The following GAS2 variants were observed in gnomAD, a reference collection of about 807,000 sequenced individuals.
GAS2 encodes the protein growth arrest specific 2.
In GAS2, 20 loss-of-function variants were observed where a neutral mutation model predicts 37.5. The ratio of observed to expected loss-of-function variants is 0.53; its 90% CI spans 0.37 to 0.77. The LOEUF (loss-of-function observed/expected upper bound fraction) is 0.77. Among genes scored for constraint, GAS2 ranks in the 30% least tolerant of loss-of-function variants. GAS2 has a pLI of 0.00. For missense variants in GAS2, 336 were observed against 373.4 expected (o/e 0.90, Z 0.82); for synonymous variants, 144 against 132.2 (o/e 1.09, Z -0.61).
chr11:22,650,957 CATT>C (rs1250983846), intron 1 of GAS2, among the ~76,000 whole-genome samples: 1 of 151,956 alleles, frequency 6.6e-6, no homozygotes, highest in Admixed American at 6.6e-5. Context: ...TTGATCCTGT[CATT>C]ATGATGTTAG....
At chr11:22,641,312 A>ATATC (rs1554964906) in intron 1 of GAS2, among the ~76,000 whole-genome samples, 3 of 64,436 alleles carry the variant, frequency 4.7e-5, no homozygotes, top group East Asian at 9.8e-4. Flanking sequence ...CTTTATATAT[A>ATATC]TTTATATATC....
At chr11:22,690,964 T>A (rs73474193) in intron 3 of GAS2, among the ~76,000 whole-genome samples, 1,621 of 152,106 alleles carry the variant, frequency 0.011, 26 homozygotes, top group African/African-American at 0.036. Flanking sequence ...ATTCAAAAGG[T>A]TTAACCTCTC....
chr11:22,795,969 GT>G (rs1479325955), intron 7 of GAS2, among the ~76,000 whole-genome samples: 1 of 152,132 alleles, frequency 6.6e-6, no homozygotes, highest in Non-Finnish European at 1.5e-5. Flanking sequence ...ATATTTTACT[GT>G]GAAAATTTTC....
chr11:22,734,316 G>T (rs1328548546), intron 4 of GAS2, among the ~76,000 whole-genome samples: 2 of 151,566 alleles, frequency 1.3e-5, no homozygotes, highest in African/African-American at 4.8e-5. Flanking sequence ...ATTGCTGAAG[G>T]ATATCTACTT....
intron 3 of GAS2, among the ~76,000 whole-genome samples, chr11:22,705,754 A>G (rs1051645747): frequency 2.6e-5 from 4 of 152,242 alleles, no homozygotes; most frequent in Non-Finnish European, 4.4e-5. Context: ...TGGATTAGCA[A>G]GGGATAATAA....
rs1210522486 is a variant in GAS2, at chr11:22,756,028, A to G, written c.723+75A>G. 2.9e-6 allele frequency: 3 copies of G among 1,023,900 alleles called. No homozygotes were observed. The East Asian group carries it at 7.5e-5, about 26-fold the overall frequency. The allele number at this position is 1,023,900 out of a possible 1,614,324, so 63.4% of individuals were successfully genotyped here. On this transcript the variant is annotated intron_variant, in intron 7 of 7. Coordinates refer to ENST00000454584, the MANE Select transcript of GAS2 (RefSeq NM_001143830.3). Reference sequence around the variant, plus strand: ...TTGAGTTAGGGGAAATATGACAGATAAGAGCAGGAACTTCCATATGGTGCT... The same window carrying G: ...TTGAGTTAGGGGAAATATGACAGATGAGAGCAGGAACTTCCATATGGTGCT...
chr11:22,666,101 A>G (rs1227072236), upstream of GAS2, among the ~76,000 whole-genome samples: 2 of 152,276 alleles, frequency 1.3e-5, no homozygotes, highest in African/African-American at 4.8e-5. Flanking sequence ...AAGACGTTTC[A>G]TCTCAGAATA....
chr11:22,655,408 G>A (rs886610977), intron 1 of GAS2, among the ~76,000 whole-genome samples: 1 of 151,958 alleles, frequency 6.6e-6, no homozygotes, highest in Non-Finnish European at 1.5e-5. Flanking sequence ...GCCCATTTTA[G>A]GTACTCAATA....
intron 3 of GAS2, among the ~76,000 whole-genome samples, chr11:22,697,289 T>G (rs1488747982): frequency 6.6e-6 from 1 of 152,114 alleles, no homozygotes; most frequent in African/African-American, 2.4e-5. Context: ...CTCTGTTCTG[T>G]TCCATTGGTC....
chr11:22,789,423 G>GATATATATAAATATATATATATATATAT (rs1491294585), intron 7 of GAS2, among the ~76,000 whole-genome samples: 13 of 71,158 alleles, frequency 1.8e-4, no homozygotes, highest in African/African-American at 5.2e-4. Flanking sequence ...TATCTCATAT[G>GATATATATAAATATATATATATATATAT]AGATATATAT....
Position 22,737,744 on chromosome 11 carries a change from T to C in GAS2, c.449T>C (p.Leu150Pro). 1.2e-6 allele frequency: 2 copies of C among 1,614,146 alleles called. No individual in the cohort carries two copies. The highest frequency in any genetic ancestry group is 8.5e-7 in the Non-Finnish European group (1 of 1,179,986). Residue 150 changes from leucine to proline, a missense_variant, in exon 5 of 8, where the codon CTA (leucine) becomes CCA (proline). Transcript: ENST00000454584. Reference protein sequence around the residue: ...KQPREVCLCLLELGRIAARYG... With the variant: ...KQPREVCLCLPELGRIAARYG... ...CCCAGAGAAGTGTGTCTCTGTCTGC[T>C]AGAGCTTGGCCGGATTGCAGCCAGG...
At chr11:22,776,515 A>G (rs1158820765) in intron 7 of GAS2, among the ~76,000 whole-genome samples, 1 of 152,226 alleles carries the variant, frequency 6.6e-6, no homozygotes, top group East Asian at 1.9e-4. Flanking sequence ...TGATTGGGCA[A>G]GAGTTTTTTG....
chr11:22,664,432 G>T (rs1362108413), upstream of GAS2, among the ~76,000 whole-genome samples: 2 of 152,102 alleles, frequency 1.3e-5, no homozygotes, highest in Non-Finnish European at 2.9e-5. Context: ...TAGAATGTGG[G>T]ACACACATAG....
Position 22,812,532 on chromosome 11 carries a change from T to TA in GAS2, c.*516_*517insA, listed in dbSNP as rs1281872053. ...GTACAGAGTATTCACAATAGTAATA[T>TA]GTTACTGGAAAGGCCACTTCCGAAA... On this transcript the variant is annotated 3_prime_UTR_variant, in exon 8 of 8. Coordinates refer to ENST00000454584, the MANE Select transcript of GAS2 (RefSeq NM_001143830.3). The TA allele has an allele frequency of 2.6e-5, 4 of 151,756 alleles. No homozygotes were observed. Among genetic ancestry groups the TA allele is most frequent in the African/African-American group, 9.7e-5 (4 of 41,068 alleles). The allele number at this position is 151,756 out of a possible 1,614,324, so 9.4% of individuals were successfully genotyped here. A position where few individuals can be genotyped will look rare whatever the true frequency, so the allele number is the denominator to read the frequency against.
intron 1 of GAS2, among the ~76,000 whole-genome samples, chr11:22,652,624 T>G (rs1590574057): frequency 6.6e-6 from 1 of 152,228 alleles, no homozygotes; most frequent in East Asian, 1.9e-4. Context: ...AATCTCCCGG[T>G]GTGCTGTGTT....
At chr11:22,802,870 C>T (rs1169012615) in intron 7 of GAS2, among the ~76,000 whole-genome samples, 6 of 152,022 alleles carry the variant, frequency 3.9e-5, no homozygotes, top group African/African-American at 1.4e-4. Flanking sequence ...TCTTCAGATA[C>T]ACAAATACTT....
rs1856014255 is a variant in GAS2, at chr11:22,789,433, T to TATATATATATATAA, written c.724-22352_724-22351insAATATATATATATA. Among the ~76,000 whole-genome samples, 47 of 39,828 alleles carry TATATATATATATAA rather than the reference T, an allele frequency of 1.2e-3. 6 individuals carry two copies. Among genetic ancestry groups the TATATATATATATAA allele is most frequent in the Non-Finnish European group, 1.5e-3 (27 of 17,910 alleles). The allele number at this position is 39,828 out of a possible 152,430, so 26.1% of individuals were successfully genotyped here. On this transcript the variant is annotated intron_variant, in intron 7 of 7. Transcript: ENST00000454584. ...GTGTGTATCTCATATGAGATATATA[T>TATATATATATATAA]ATATATATATATATATATATATTCT...
At chr11:22,775,790 T>C (rs905332329) in intron 7 of GAS2, among the ~76,000 whole-genome samples, 1 of 152,206 alleles carries the variant, frequency 6.6e-6, no homozygotes, top group Non-Finnish European at 1.5e-5. Context: ...TAAGCTCTTA[T>C]TCTCCAGATG....
chr11:22,651,081 A>T (rs1232742048), intron 1 of GAS2, among the ~76,000 whole-genome samples: 1 of 151,914 alleles, frequency 6.6e-6, no homozygotes, highest in African/African-American at 2.4e-5. Context: ...CATGTTTAGC[A>T]CTTCCTTCAG....
Sources: gnomAD v4.1 joint callset for allele counts (sites outside exome capture counted in the v4.1 genomes callset) on GRCh38, gnomAD v4.1.1 for gene constraint, MANE v1.5 for transcripts, NCBI Gene and HGNC (gene_info 2026-07-23, HGNC 2026-07-21) for gene names.